Variants in GPM6B observed in about 807,000 individuals in gnomAD.
GPM6B encodes the protein neuronal membrane glycoprotein M6-b.
A neutral mutation model predicts 27.2 loss-of-function variants in GPM6B; 4 were observed. The ratio of observed to expected loss-of-function variants is 0.15; its 90% CI spans 0.07 to 0.34. GPM6B has a LOEUF of 0.34. GPM6B is among the 10% of genes least tolerant of loss of function. GPM6B has a pLI of 1.00. For missense variants in GPM6B, 183 were observed against 261.9 expected (o/e 0.70, Z 2.08); for synonymous variants, 124 against 103.1 (o/e 1.20, Z -1.23).
intron 1 of GPM6B, among the ~76,000 whole-genome samples, chrX:13,849,228 A>G (rs1472755583): frequency 8.9e-6 from 1 of 112,884 alleles, no homozygotes; most frequent in Non-Finnish European, 1.9e-5. Context: ...GGTGACTTGG[A>G]CCAGGTAGAA....
chrX:13,921,580 C>G (rs765095985), intron 1 of GPM6B, among the ~76,000 whole-genome samples: 6 of 54,189 alleles, frequency 1.1e-4, no homozygotes, highest in African/African-American at 2.1e-4. Flanking sequence ...TAACCCCCCC[C>G]CTTTTTTTTT....
intron 1 of GPM6B, among the ~76,000 whole-genome samples, chrX:13,827,683 G>A (rs958615598): frequency 2.7e-5 from 3 of 112,221 alleles, no homozygotes; most frequent in South Asian, 3.7e-4. Context: ...TTTGCTAAAG[G>A]AAGACAGACA....
upstream of GPM6B, among the ~76,000 whole-genome samples, chrX:13,818,563 C>A (rs1238215763): frequency 3.6e-5 from 4 of 112,356 alleles, no homozygotes; most frequent in African/African-American, 1.3e-4. Flanking sequence ...AATTTTACAT[C>A]TTGCTTTTCC....
At chrX:13,787,904 T>C (rs1238320770) in intron 2 of GPM6B, among the ~76,000 whole-genome samples, 1 of 112,621 alleles carries the variant, frequency 8.9e-6, no homozygotes, top group East Asian at 2.8e-4. Flanking sequence ...CAAAGTTGTA[T>C]CTGGTTCTTA....
At chrX:13,779,695 T>C (rs1390228090) in intron 5 of GPM6B, 123 bp downstream of exon 5, 3 of 571,575 alleles carry the variant, frequency 5.2e-6, no homozygotes, top group Non-Finnish European at 7.7e-6. Flanking sequence ...ATAAAATTAC[T>C]CTAATAGAAG....
At chrX:13,931,295 A>AGGAGATCGAGACCATCCT (rs1569314292) in intron 1 of GPM6B, among the ~76,000 whole-genome samples, 2 of 110,922 alleles carry the variant, frequency 1.8e-5, no homozygotes, top group Non-Finnish European at 3.8e-5. Context: ...TCACAAGGTC[A>AGGAGATCGAGACCATCCT]GGCTATCATG....
At chrX:13,865,582 AAAG>A (rs1335986568) in intron 1 of GPM6B, among the ~76,000 whole-genome samples, 3 of 93,040 alleles carry the variant, frequency 3.2e-5, no homozygotes, top group African/African-American at 1.3e-4. Flanking sequence ...AAAGAAAAGA[AAAG>A]AAAAAAAAAA....
At chrX:13,846,684 G>A (rs2049651182) in intron 1 of GPM6B, among the ~76,000 whole-genome samples, 1 of 108,934 alleles carries the variant, frequency 9.2e-6, no homozygotes, top group Non-Finnish European at 1.9e-5. Context: ...TAGTAGAGAC[G>A]GGGTTTCACC....
intron 5 of GPM6B, 151 bp from the exon 6 acceptor site, chrX:13,777,576 T>C (rs1473473163): frequency 4.4e-6 from 2 of 456,064 alleles, no homozygotes; most frequent in Non-Finnish European, 7.8e-6. Flanking sequence ...GAACAAGCAT[T>C]TTGGAATAAA....
intron 1 of GPM6B, among the ~76,000 whole-genome samples, chrX:13,828,665 A>G (rs900835919): frequency 9.0e-6 from 1 of 111,358 alleles, no homozygotes; most frequent in African/African-American, 3.3e-5. Flanking sequence ...GGTGCTGGCT[A>G]TATGAGGAAC....
chrX:13,788,052 T>C (rs2048645945), intron 2 of GPM6B, among the ~76,000 whole-genome samples: 2 of 111,883 alleles, frequency 1.8e-5, no homozygotes, highest in Non-Finnish European at 3.8e-5. Flanking sequence ...TTTCATATGC[T>C]CAAAAGCCAC....
intron 1 of GPM6B, among the ~76,000 whole-genome samples, chrX:13,830,706 G>T (rs1406438695): frequency 8.9e-6 from 1 of 112,494 alleles, no homozygotes; most frequent in Non-Finnish European, 1.9e-5. Context: ...AGGATGGTTG[G>T]TAAGATTCAC....
At chrX:13,783,213 A>G in intron 4 of GPM6B, 152 bp downstream of exon 4, 1 of 416,974 alleles carries the variant, frequency 2.4e-6, no homozygotes, top group Non-Finnish European at 4.2e-6. Flanking sequence ...AGGTTTTTAT[A>G]GTCCTAACTC....
chrX:13,861,299 A>AT (rs201990542), intron 1 of GPM6B, among the ~76,000 whole-genome samples: 2,028 of 109,548 alleles, frequency 0.019, 18 homozygotes, highest in Non-Finnish European at 0.027. Context: ...TTTTCATATG[A>AT]TTTTTTTTCC....
At chrX:13,774,867 A>G (rs1258697914) in intron 7 of GPM6B, among the ~76,000 whole-genome samples, 2 of 112,255 alleles carry the variant, frequency 1.8e-5, no homozygotes, top group African/African-American at 6.5e-5. Context: ...ATGCGTTTCA[A>G]GAATAACAAG....
intron 1 of GPM6B, among the ~76,000 whole-genome samples, chrX:13,855,054 T>C (rs1282959359): frequency 1.8e-5 from 2 of 110,104 alleles, no homozygotes; most frequent in Non-Finnish European, 3.8e-5. Flanking sequence ...AGTCTCGCTC[T>C]GTCACCCAGG....
chrX:13,898,711 GAT>G (rs1247833792), intron 1 of GPM6B, among the ~76,000 whole-genome samples: 7 of 112,255 alleles, frequency 6.2e-5, no homozygotes, highest in African/African-American at 2.3e-4. Context: ...TGTTTGGTTT[GAT>G]GTGTGCTCTT....
intron 1 of GPM6B, among the ~76,000 whole-genome samples, chrX:13,812,055 T>C (rs2049144636): frequency 1.1e-5 from 1 of 90,835 alleles, no homozygotes. Flanking sequence ...TTTCTTTTTT[T>C]TTTTTTTTTT....
At chrX:13,811,124 G>A (rs1211537300) in intron 1 of GPM6B, among the ~76,000 whole-genome samples, 1 of 112,087 alleles carries the variant, frequency 8.9e-6, no homozygotes, top group South Asian at 3.7e-4. Context: ...CCTGCAGAGG[G>A]AAAACTGCAA....
Sources: gnomAD v4.1 joint callset for allele counts (sites outside exome capture counted in the v4.1 genomes callset) on GRCh38, gnomAD v4.1.1 for gene constraint, MANE v1.5 for transcripts, NCBI Gene and HGNC (gene_info 2026-07-23, HGNC 2026-07-21) for gene names.